The following RUFY2 variants were observed in gnomAD, a reference collection of about 807,000 sequenced individuals.
RUFY2 encodes the protein RUN and FYVE domain-containing protein 2.
A neutral mutation model predicts 94.4 loss-of-function variants in RUFY2; 49 were observed. That is an observed-to-expected ratio of 0.52 (90% CI 0.41 to 0.66). The LOEUF (loss-of-function observed/expected upper bound fraction) is 0.66. RUFY2 is among the 30% of genes least tolerant of loss of function. RUFY2 has a pLI of 0.00. For synonymous variants in RUFY2, 255 were observed against 235.7 expected (o/e 1.08, Z -0.75); for missense variants, 541 against 692.8 (o/e 0.78, Z 2.46).
chr10:68,376,278 T>C (rs2048628601), intron 13 of RUFY2, among the ~76,000 whole-genome samples: 1 of 147,226 alleles, frequency 6.8e-6, no homozygotes, highest in South Asian at 2.2e-4. Context: ...ATGCAAAAAA[T>C]TAGCCAGGCG....
At chr10:68,367,730 C>T (rs2047957720) in intron 13 of RUFY2, among the ~76,000 whole-genome samples, 1 of 148,628 alleles carries the variant, frequency 6.7e-6, no homozygotes, top group African/African-American at 2.5e-5. Flanking sequence ...CCCTCCCTCC[C>T]TCCCTCCCTC....
Position 68,363,598 on chromosome 10 carries a change from C to T in RUFY2, c.1542G>A (p.Lys514=). The T allele has an allele frequency of 6.3e-7, 1 of 1,592,968 alleles. No individual in the cohort carries two copies. The highest frequency in any genetic ancestry group is 8.5e-7 in the Non-Finnish European group (1 of 1,172,478). The change falls in exon 15 of 18, where the codon AAG becomes AAA. Residue 514 remains lysine, a synonymous_variant. Coordinates refer to ENST00000602465, the MANE Select transcript of RUFY2 (RefSeq NM_001330103.2). ...AGGAAAAAAGAAATTACTCGCTAAG[C>T]TTGTTGCCGAGTTCTTGAAGAGCTT... ...QEQALQELGN[K]LSESKLKIED...
intron 13 of RUFY2, among the ~76,000 whole-genome samples, chr10:68,370,994 T>G (rs1387371037): frequency 6.6e-6 from 1 of 151,796 alleles, no homozygotes; most frequent in Non-Finnish European, 1.5e-5. Flanking sequence ...TAGCCGGGTG[T>G]GGTGACGGGC....
chr10:68,377,688 C>T (rs1208521164), intron 12 of RUFY2: 10 of 985,358 alleles, frequency 1.0e-5, no homozygotes, highest in Non-Finnish European at 1.2e-5. Context: ...GTTGCATTTT[C>T]CTGTGCTTAG....
rs369778216 is a variant in RUFY2 at position 68,346,059 on chromosome 10, T to G, written c.1625A>C (p.Glu542Ala). The G allele has an allele frequency of 3.2e-5, 52 of 1,613,762 alleles. No individual in the cohort carries two copies. The highest frequency in any genetic ancestry group is 1.6e-4 in the Middle Eastern group (1 of 6,062). ...TTCACAAAGTTTACAATGTGTTGCTTCTTTGTCTTTCAGCCAAACCAGTCC... is the reference window on the plus strand; with the variant it reads ...TTCACAAAGTTTACAATGTGTTGCTGCTTTGTCTTTCAGCCAAACCAGTCC... ...LQGLVWLKDK[E>A]ATHCKLCEKE... Residue 542 changes from glutamate (E) to alanine (A), a missense_variant, in exon 17 of 18, where the codon GAA (glutamate) becomes GCA (alanine). Physicochemically the swap from Glu to Ala is moderately radical, Grantham distance 107. Around this residue, in one of 3 missense-constraint regions of RUFY2, gnomAD observed 403 missense variants for 480.7 expected, o/e 0.84. Transcript: ENST00000602465.
downstream of RUFY2, chr10:68,342,027 T>C (rs893445443): frequency 2.1e-5 from 34 of 1,613,722 alleles, no homozygotes; most frequent in African/African-American, 2.7e-5. Context: ...GCGGCATGAG[T>C]GGAGGTGGAT....
intron 11 of RUFY2, 21 bp downstream of exon 11, chr10:68,381,211 A>G: frequency 6.5e-7 from 1 of 1,546,862 alleles, no homozygotes; most frequent in African/African-American, 1.4e-5. Flanking sequence ...ACATAAAATG[A>G]AATTTAAGAA....
intron 16 of RUFY2, among the ~76,000 whole-genome samples, chr10:68,350,993 G>A (rs2046624976): frequency 6.6e-6 from 1 of 152,072 alleles, no homozygotes; most frequent in Non-Finnish European, 1.5e-5. Context: ...CTGCAGGCAT[G>A]AGCCACCGTG....
At chr10:68,356,252 C>G (rs2047047801) in intron 15 of RUFY2, among the ~76,000 whole-genome samples, 1 of 151,988 alleles carries the variant, frequency 6.6e-6, no homozygotes, top group Non-Finnish European at 1.5e-5. Flanking sequence ...ACCTGTAATC[C>G]CAGCACTTTT....
intron 2 of RUFY2, among the ~76,000 whole-genome samples, chr10:68,403,776 T>G (rs1335903586): frequency 6.6e-6 from 1 of 151,918 alleles, no homozygotes; most frequent in South Asian, 2.1e-4. Flanking sequence ...AAACAAAGTT[T>G]AGGTAAATCT....
chr10:68,394,908 C>T (rs1486297401), intron 4 of RUFY2, among the ~76,000 whole-genome samples: 3 of 151,700 alleles, frequency 2.0e-5, no homozygotes, highest in Non-Finnish European at 1.5e-5. Flanking sequence ...GGATTACAGG[C>T]GTGAGCCACC....
At chr10:68,383,977 T>A in intron 9 of RUFY2, 63 bp from the exon 10 acceptor site, 1 of 1,573,842 alleles carries the variant, frequency 6.4e-7, no homozygotes, top group Non-Finnish European at 8.7e-7. Context: ...TAGAAATACC[T>A]ACTTCATCCA....
intron 3 of RUFY2, 100 bp downstream of exon 3, chr10:68,401,520 T>C: frequency 1.4e-6 from 1 of 708,414 alleles, no homozygotes; most frequent in Middle Eastern, 2.5e-4. Context: ...GAAGGGGACT[T>C]AAGACTAAGA....
chr10:68,398,868 A>C (rs868134533), intron 3 of RUFY2, among the ~76,000 whole-genome samples: 9 of 152,294 alleles, frequency 5.9e-5, no homozygotes, highest in Admixed American at 3.9e-4. Flanking sequence ...TTACTATTGT[A>C]GAGTCTGGCT....
chr10:68,361,763 T>A (rs1253741836), intron 15 of RUFY2, among the ~76,000 whole-genome samples: 1 of 152,248 alleles, frequency 6.6e-6, no homozygotes, highest in African/African-American at 2.4e-5. Context: ...TCCATTCTAG[T>A]ATGATTTCTA....
At chr10:68,342,154 C>CT, downstream of RUFY2, 2 of 741,514 alleles carry the variant, frequency 2.7e-6, no homozygotes, top group South Asian at 2.4e-5. Context: ...TTTATAATGA[C>CT]TGAAGGAATG....
chr10:68,378,988 C>A, intron 12 of RUFY2: 1 of 307,600 alleles, frequency 3.3e-6, no homozygotes, highest in Non-Finnish European at 5.9e-6. Flanking sequence ...GTTGAGGGTC[C>A]TAGCTCAAAG....
chr10:68,396,253 G>T (rs1479645028), intron 4 of RUFY2, among the ~76,000 whole-genome samples: 1 of 152,048 alleles, frequency 6.6e-6, no homozygotes, highest in Non-Finnish European at 1.5e-5. Flanking sequence ...GCCTCCCACA[G>T]TGCTGGGATT....
intron 11 of RUFY2, among the ~76,000 whole-genome samples, chr10:68,380,702 A>G (rs2048995199): frequency 6.6e-6 from 1 of 151,960 alleles, no homozygotes; most frequent in Non-Finnish European, 1.5e-5. Context: ...TCTCTACTAA[A>G]AATACAAAAA....
Sources: gnomAD v4.1 joint callset for allele counts (sites outside exome capture counted in the v4.1 genomes callset) on GRCh38, gnomAD v4.1.1 for gene constraint, gnomAD v4.1.1 regional missense constraint, MANE v1.5 for transcripts, NCBI Gene and HGNC (gene_info 2026-07-23, HGNC 2026-07-21) for gene names.